The following KDM2B variants were observed in gnomAD, a reference collection of about 807,000 sequenced individuals.
The protein encoded by KDM2B is lysine-specific demethylase 2B.
Under a neutral mutation model 150.0 loss-of-function variants are expected in KDM2B, and 26 were observed. The observed-to-expected ratio is 0.17, with a 90% confidence interval of 0.13 to 0.24. The LOEUF (loss-of-function observed/expected upper bound fraction) is 0.24, where lower values mean the gene tolerates loss of function less well. KDM2B is among the 10% of genes least tolerant of loss of function. The probability of loss-of-function intolerance (pLI) is 1.00; values close to 1 mark genes in which losing one functional copy is unlikely to be tolerated. For synonymous variants in KDM2B, 734 were observed against 729.5 expected (o/e 1.01, Z -0.10); for missense variants, 1,265 against 1,816.9 (o/e 0.70, Z 5.52).
chr12:121,549,087 A>G lies in KDM2B; in HGVS notation c.577-104T>C. 1 of 856,780 alleles carries G rather than the reference A, an allele frequency of 1.2e-6. No individual in the cohort carries two copies. Among genetic ancestry groups the G allele is most frequent in the Non-Finnish European group, 1.9e-6 (1 of 529,366 alleles). The allele number at this position is 856,780 out of a possible 1,614,324, so 53.1% of individuals were successfully genotyped here. On this transcript the variant is annotated intron_variant, in intron 5 of 22. Coordinates refer to ENST00000377071, the MANE Select transcript of KDM2B (RefSeq NM_032590.5). The surrounding 1 kb of genome is among the most constrained non-coding windows in gnomAD (Gnocchi z 4.4). The stretch of plus-strand genomic sequence containing the variant: ...TTGGGCCCCCCCGCTCCCCCAATCT[A>G]CTGTGGGCTCAATAGTCCCAACATG...
At chr12:121,527,626 A>C (rs1469334543) in intron 8 of KDM2B, among the ~76,000 whole-genome samples, 8 of 140,532 alleles carry the variant, frequency 5.7e-5, no homozygotes, top group Non-Finnish European at 7.6e-5. Flanking sequence ...TGCACTCCAG[A>C]CTGGGTGACA....
At position 121,548,412 on chromosome 12, in the gene KDM2B, T is replaced by C. The variant is rs376562478; in HGVS notation, c.683+465A>G. Among the ~76,000 whole-genome samples the C allele has an allele frequency of 9.5e-4, 144 of 152,312 alleles. No individual in the cohort carries two copies. The South Asian group carries it at 0.02, about 21-fold the overall frequency. On this transcript the variant is annotated intron_variant, in intron 6 of 22. Transcript: ENST00000377071. Reference sequence around the variant, plus strand: ...GGGAAAGGTTATTTTGGGTATGAGCTTCAAGGTCTCAACACCAAGGAACAA... The same window carrying C: ...GGGAAAGGTTATTTTGGGTATGAGCCTCAAGGTCTCAACACCAAGGAACAA...
chr12:121,428,734 C>T (rs1872642841), downstream of KDM2B, among the ~76,000 whole-genome samples: 1 of 152,210 alleles, frequency 6.6e-6, no homozygotes, highest in Non-Finnish European at 1.5e-5. Flanking sequence ...CTGGTTTCTG[C>T]ATCTGCCACT....
At chr12:121,421,640 A>C in the KDM2B span, among the ~76,000 whole-genome samples, 1 of 152,326 alleles carries the variant, frequency 6.6e-6, no homozygotes, top group East Asian at 1.9e-4. Flanking sequence ...CGGAACATTT[A>C]TGGACAAGAA....
At chr12:121,454,996 C>T (rs1319009732) in intron 12 of KDM2B, among the ~76,000 whole-genome samples, 1 of 152,168 alleles carries the variant, frequency 6.6e-6, no homozygotes, top group Non-Finnish European at 1.5e-5. Flanking sequence ...TACAGCCTCG[C>T]CACCATCAAC....
At chr12:121,569,229 G>C (rs963995894) in intron 4 of KDM2B, among the ~76,000 whole-genome samples, 2 of 152,208 alleles carry the variant, frequency 1.3e-5, no homozygotes, top group Non-Finnish European at 2.9e-5. Context: ...GGTTCTGCTG[G>C]GCTGACCCCA....
the KDM2B span, chr12:121,417,894 T>C: frequency 7.4e-6 from 12 of 1,613,838 alleles, no homozygotes; most frequent in Non-Finnish European, 1.0e-5. The surrounding 1 kb of genome is among the most constrained non-coding windows in gnomAD (Gnocchi z 5.0). Context: ...AACATCCAGA[T>C]CTGGAGTGCC....
intron 8 of KDM2B, among the ~76,000 whole-genome samples, chr12:121,526,807 C>T (rs1234576630): frequency 1.3e-5 from 2 of 151,598 alleles, no homozygotes; most frequent in Non-Finnish European, 2.9e-5. Context: ...CGAGGCGGGC[C>T]GATCACCTGA....
At chr12:121,558,321 C>T (rs556235560) in intron 4 of KDM2B, among the ~76,000 whole-genome samples, 11 of 151,938 alleles carry the variant, frequency 7.2e-5, no homozygotes, top group Admixed American at 2.6e-4. Context: ...TGGGTGGGCA[C>T]GTGTAACAAA....
the KDM2B span, among the ~76,000 whole-genome samples, chr12:121,419,197 A>G: frequency 6.6e-6 from 1 of 152,234 alleles, no homozygotes; most frequent in Non-Finnish European, 1.5e-5. Context: ...AGATACACAA[A>G]TACTTATTAC....
At chr12:121,534,704 G>A in intron 6 of KDM2B, 114 bp from the exon 7 acceptor site, 1 of 726,506 alleles carries the variant, frequency 1.4e-6, no homozygotes, top group Non-Finnish European at 2.3e-6. Context: ...TGACGCTGGG[G>A]AATTTTCTTT....
rs781963406 is a variant in KDM2B, at chr12:121,580,932, G to A, written c.-21C>T. The A allele has an allele frequency of 1.9e-6, 3 of 1,611,004 alleles. No homozygotes were observed. Among genetic ancestry groups the A allele is most frequent in the Non-Finnish European group, 2.5e-6 (3 of 1,178,936 alleles). ...GCCATGTGGAGGAGGCATTTGGGGGGCTCAGAAGGAAATTAGCTCGGCTTC... is the reference window on the plus strand; with the variant it reads ...GCCATGTGGAGGAGGCATTTGGGGGACTCAGAAGGAAATTAGCTCGGCTTC... On this transcript the variant is annotated 5_prime_UTR_variant, in exon 1 of 23. Coordinates refer to ENST00000377071, the MANE Select transcript of KDM2B (RefSeq NM_032590.5).
At chr12:121,579,962 A>AAAC in intron 1 of KDM2B, 1 of 1,405,654 alleles carries the variant, frequency 7.1e-7, no homozygotes, top group Non-Finnish European at 9.4e-7. Flanking sequence ...AAAAAAAAAG[A>AAAC]TCTATCATAT....
rs1889335162 is a variant in KDM2B, at chr12:121,549,715, C to T, written c.398-77G>A. ...TCCTACATGGGAGCCCCTCACTAAA[C>T]AAAAGCTGCTCCTCCACGTTTCCCC... is the stretch of plus-strand genomic sequence containing the variant. On this transcript the variant is annotated intron_variant, in intron 4 of 22. Coordinates refer to ENST00000377071, the MANE Select transcript of KDM2B (RefSeq NM_032590.5). This position sits in a 1 kb window ranked among gnomAD's most constrained non-coding sequence, Gnocchi z 4.4. 3.7e-6 allele frequency: 5 copies of T among 1,356,036 alleles called. No homozygotes were observed. The highest frequency in any genetic ancestry group is 4.5e-5 in the Admixed American group (2 of 44,480). 84.0% of individuals were successfully genotyped at this position (1,356,036 alleles called of 1,614,324 possible).
At chr12:121,525,335 C>T (rs1227869821) in intron 8 of KDM2B, among the ~76,000 whole-genome samples, 2 of 152,102 alleles carry the variant, frequency 1.3e-5, no homozygotes, top group African/African-American at 4.8e-5. Context: ...GGTGCCATCT[C>T]GGCTCACTGC....
intron 22 of KDM2B, among the ~76,000 whole-genome samples, chr12:121,433,491 A>G (rs1873414598): frequency 6.6e-6 from 1 of 152,242 alleles, no homozygotes. Flanking sequence ...AGTAGCTGGG[A>G]CTATAGGTGT....
intron 4 of KDM2B, among the ~76,000 whole-genome samples, chr12:121,552,760 A>T (rs782383877): frequency 2.6e-5 from 4 of 151,530 alleles, no homozygotes; most frequent in African/African-American, 9.7e-5. Context: ...GATCCAGGGG[A>T]AAGCAGCTTT....
intron 22 of KDM2B, among the ~76,000 whole-genome samples, chr12:121,432,864 AG>A (rs1873292405): frequency 6.6e-6 from 1 of 152,248 alleles, no homozygotes; most frequent in African/African-American, 2.4e-5. Context: ...CCTGGCTAGA[AG>A]GGACTGACCC....
chr12:121,527,229 TG>T (rs1177206269), intron 8 of KDM2B, among the ~76,000 whole-genome samples: 11 of 148,922 alleles, frequency 7.4e-5, no homozygotes, highest in Admixed American at 5.3e-4. Flanking sequence ...TTTTTTTTTT[TG>T]TATTTTTAGT....
Sources: gnomAD v4.1 joint callset for allele counts (sites outside exome capture counted in the v4.1 genomes callset) on GRCh38, gnomAD v4.1.1 for gene constraint, Gnocchi (gnomAD v3.1) non-coding constraint, MANE v1.5 for transcripts, NCBI Gene and HGNC (gene_info 2026-07-23, HGNC 2026-07-21) for gene names.